The following PCDH15 variants were observed in gnomAD, a reference collection of about 807,000 sequenced individuals.
The protein encoded by PCDH15 is protocadherin related 15, also known as protocadherin-15.
Under a neutral mutation model 178.5 loss-of-function variants are expected in PCDH15, and 129 were observed. The observed-to-expected ratio is 0.72, with a 90% CI of 0.63 to 0.84. The LOEUF (loss-of-function observed/expected upper bound fraction) is 0.84, where lower values mean the gene tolerates loss of function less well. Among genes scored for constraint, PCDH15 ranks in the 40% least tolerant of loss-of-function variants. PCDH15 has a pLI of 0.00. For synonymous variants in PCDH15, 800 were observed against 732.0 expected (o/e 1.09, Z -1.50); for missense variants, 2,230 against 2,099.9 (o/e 1.06, Z -1.21).
chr10:54,567,071 C>G (rs991471122), intron 2 of PCDH15, among the ~76,000 whole-genome samples: 2 of 151,974 alleles, frequency 1.3e-5, no homozygotes, highest in East Asian at 1.9e-4. Flanking sequence ...ATTTATATCC[C>G]CTTGATAACA....
chr10:55,408,559 A>T (rs540321258), intron 2 of PCDH15, among the ~76,000 whole-genome samples: 1 of 152,294 alleles, frequency 6.6e-6, no homozygotes, highest in East Asian at 1.9e-4. Flanking sequence ...TCAAGAACAT[A>T]AATTTGAGAA....
Position 53,822,122 on chromosome 10 carries a change from CGTT to C in PCDH15, c.4368-1895_4368-1893del, listed in dbSNP as rs113363047. On this transcript the variant is annotated intron_variant, in intron 32 of 37. Coordinates refer to ENST00000644397, the MANE Select transcript of PCDH15 (RefSeq NM_001384140.1). ...TCTGAGGGTCTGTTTTACACACTGT[CGTT>C]GTTGATAGCTGTGTCATAGAGGACT... 5.5e-3 allele frequency: 8,822 copies of C among 1,613,894 alleles called. 347 individuals carry two copies. The African/African-American group carries it at 0.089, about 16-fold the overall frequency.
chr10:54,803,165 T>C (rs1237892764), upstream of PCDH15, among the ~76,000 whole-genome samples: 4 of 152,198 alleles, frequency 2.6e-5, no homozygotes, highest in Admixed American at 2.6e-4. Flanking sequence ...CCCTGCATTG[T>C]AAAGTCCACT....
intron 15 of PCDH15, among the ~76,000 whole-genome samples, chr10:54,125,393 A>G (rs567177148): frequency 6.6e-6 from 1 of 152,304 alleles, no homozygotes; most frequent in Non-Finnish European, 1.5e-5. Context: ...GTGTCAGTGG[A>G]CACTTTCTGT....
chr10:55,191,823 T>C (rs1839951035), intron 1 of PCDH15, among the ~76,000 whole-genome samples: 1 of 151,892 alleles, frequency 6.6e-6, no homozygotes, highest in African/African-American at 2.4e-5. Context: ...ACTGTAACTT[T>C]CCCAAACAAT....
chr10:53,821,070 T>C, intron 32 of PCDH15: 2 of 961,122 alleles, frequency 2.1e-6, no homozygotes, highest in Non-Finnish European at 2.5e-6. Context: ...TTTAAGCATC[T>C]GTTGGAACAA....
At position 55,015,238 on chromosome 10, in the gene PCDH15, A is replaced by G. The variant is rs115236765; in HGVS notation, c.-79-117738T>C. ...AAATTTATATTTTAAATTTATTTGT[A>G]ATATAAATTTAAAATCTAGTTAGTC... On this transcript the variant is annotated intron_variant, in intron 2 of 5. Transcript: ENST00000458638. 6.1e-3 allele frequency among the ~76,000 whole-genome samples: 922 copies of G among 152,200 alleles called. 11 individuals are homozygous for G. Among genetic ancestry groups the G allele is most frequent in the African/African-American group, 0.022 (896 of 41,516 alleles).
chr10:55,446,780 T>C (rs1254235322), intron 2 of PCDH15, among the ~76,000 whole-genome samples: 1 of 152,108 alleles, frequency 6.6e-6, no homozygotes, highest in Non-Finnish European at 1.5e-5. Context: ...CCTAGCTAAT[T>C]TACTACTCTG....
At position 54,096,945 on chromosome 10, in the gene PCDH15, T is replaced by C. The variant is rs142082508; in HGVS notation, c.1918-6882A>G. ...TCAATGTTTCCAGTTACTCAAGCTGTATCTTAATACCTATTCTTAACTTCT... is the reference window on the plus strand; with the variant it reads ...TCAATGTTTCCAGTTACTCAAGCTGCATCTTAATACCTATTCTTAACTTCT... On this transcript the variant is annotated intron_variant, in intron 15 of 37. Coordinates refer to ENST00000644397, the MANE Select transcript of PCDH15 (RefSeq NM_001384140.1). 2.3e-4 allele frequency among the ~76,000 whole-genome samples: 35 copies of C among 152,348 alleles called. No individual in the cohort carries two copies. In the South Asian group the frequency reaches 2.7e-3, roughly 12 times the overall value.
chr10:55,284,899 C>T (rs1045555418), intron 1 of PCDH15, among the ~76,000 whole-genome samples: 3 of 151,688 alleles, frequency 2.0e-5, no homozygotes, highest in African/African-American at 7.3e-5. Context: ...TCTGAATATT[C>T]ATAGGGAATC....
intron 2 of PCDH15, among the ~76,000 whole-genome samples, chr10:54,573,936 G>A (rs573945667): frequency 7.8e-4 from 119 of 152,296 alleles, no homozygotes; most frequent in African/African-American, 2.8e-3. Context: ...CCCTTTGTCA[G>A]ATGAGTAGGT....
In PCDH15 at chr10:55,310,236, C is replaced by T. The variant is rs147651444; in HGVS notation, c.-156+9363G>A. Among the ~76,000 whole-genome samples the T allele has an allele frequency of 2.1e-3, 326 of 152,050 alleles. 1 individual carries two copies. The highest frequency in any genetic ancestry group is 0.02 in the South Asian group (94 of 4,802). On this transcript the variant is annotated intron_variant, in intron 1 of 5. Coordinates refer to the PCDH15 transcript ENST00000458638. ...CTTCTCCTCTAGCATGTGAAAACTC[C>T]AAAAGCAGGAAATATTTCTATTTTA... is the stretch of plus-strand genomic sequence containing the variant.
intron 1 of PCDH15, among the ~76,000 whole-genome samples, chr10:54,798,892 G>A (rs556955167): frequency 4.6e-5 from 7 of 152,206 alleles, no homozygotes; most frequent in African/African-American, 1.7e-4. Flanking sequence ...AGGAAAAAAA[G>A]TTCCTACAGT....
chr10:54,049,419 T>G (rs2093720441), intron 18 of PCDH15, among the ~76,000 whole-genome samples: 1 of 152,164 alleles, frequency 6.6e-6, no homozygotes, highest in African/African-American at 2.4e-5. Context: ...ATAGGAGGGG[T>G]TAGAGTAGGC....
intron 21 of PCDH15, among the ~76,000 whole-genome samples, chr10:53,987,052 G>T (rs748327766): frequency 6.6e-6 from 1 of 152,022 alleles, no homozygotes; most frequent in Non-Finnish European, 1.5e-5. Context: ...ATTTGCATAT[G>T]AGGGGCCATC....
At chr10:55,032,099 G>A (rs373201751) in intron 2 of PCDH15, among the ~76,000 whole-genome samples, 2 of 152,166 alleles carry the variant, frequency 1.3e-5, no homozygotes, top group Non-Finnish European at 2.9e-5. Flanking sequence ...GAGGAGAACT[G>A]CAGGGGAAGC....
rs1189486365 is a variant in PCDH15, at chr10:54,432,859, C to A, written c.158-53917G>T. ...AAGTATTAATAACCAGAATATATAA[C>A]AAGCTCAAACAACTATATAGGAAAA... On this transcript the variant is annotated intron_variant, in intron 3 of 37. Coordinates refer to ENST00000644397, the MANE Select transcript of PCDH15 (RefSeq NM_001384140.1). Among the ~76,000 whole-genome samples, 3 of 151,856 alleles carry A rather than the reference C, an allele frequency of 2.0e-5. No homozygotes were observed. The East Asian group carries it at 5.8e-4, about 29-fold the overall frequency.
At chr10:54,650,499 T>A (rs2094233720) in intron 2 of PCDH15, among the ~76,000 whole-genome samples, 1 of 152,190 alleles carries the variant, frequency 6.6e-6, no homozygotes, top group African/African-American at 2.4e-5. Flanking sequence ...TGGTGGTTAC[T>A]ATTAGTGACT....
chr10:54,410,688 A>G (rs1589261611), intron 3 of PCDH15, among the ~76,000 whole-genome samples: 1 of 152,292 alleles, frequency 6.6e-6, no homozygotes, highest in African/African-American at 2.4e-5. Flanking sequence ...TCTGAGGAAA[A>G]TGGAAACAGG....
Sources: allele counts gnomAD v4.1 joint callset (sites outside exome capture counted in the v4.1 genomes callset), GRCh38; gene constraint gnomAD v4.1.1; transcripts MANE v1.5; gene names NCBI Gene and HGNC (gene_info 2026-07-23, HGNC 2026-07-21).